The following SLC25A12 variants were observed in gnomAD, a reference collection of about 807,000 sequenced individuals.
SLC25A12 encodes solute carrier family 25 member 12, also known as electrogenic aspartate/glutamate antiporter SLC25A12, mitochondrial.
Under a neutral mutation model 83.3 loss-of-function variants are expected in SLC25A12, and 32 were observed. The ratio of observed to expected loss-of-function variants is 0.38; its 90% CI spans 0.29 to 0.52. The LOEUF (loss-of-function observed/expected upper bound fraction) is 0.52. SLC25A12 is among the 20% of genes least tolerant of loss of function. The pLI is 0.84. For missense variants in SLC25A12, 611 were observed against 835.6 expected (o/e 0.73, Z 3.31); for synonymous variants, 267 against 291.1 (o/e 0.92, Z 0.84).
intron 9 of SLC25A12, among the ~76,000 whole-genome samples, chr2:171,816,239 A>C (rs1684048731): frequency 6.6e-6 from 1 of 151,596 alleles, no homozygotes; most frequent in Non-Finnish European, 1.5e-5. Context: ...CTAATTTTTA[A>C]ATTTTTTGTA....
chr2:171,824,960 C>T lies in SLC25A12; in HGVS notation c.930+1838G>A, dbSNP rs540770470. 2.9e-4 allele frequency among the ~76,000 whole-genome samples: 44 copies of T among 151,954 alleles called. 1 individual carries two copies. Among genetic ancestry groups the T allele is most frequent in the African/African-American group, 9.4e-4 (39 of 41,444 alleles). ...CTAGGACTACAGGCACACGCCATCACGCCTGGCTAATTTTTTGCATTTTTT... is the reference window on the plus strand; with the variant it reads ...CTAGGACTACAGGCACACGCCATCATGCCTGGCTAATTTTTTGCATTTTTT... On this transcript the variant is annotated intron_variant, in intron 9 of 17. Coordinates refer to ENST00000422440, the MANE Select transcript of SLC25A12 (RefSeq NM_003705.5).
At chr2:171,791,760 G>T (rs1013289031) in intron 14 of SLC25A12, among the ~76,000 whole-genome samples, 171 bp from the exon 15 acceptor site, 20 of 152,104 alleles carry the variant, frequency 1.3e-4, no homozygotes, top group African/African-American at 4.3e-4. Flanking sequence ...GGGGGAGGCG[G>T]GAGATAAGTG....
At chr2:171,805,290 C>T (rs1306489590) in intron 13 of SLC25A12, among the ~76,000 whole-genome samples, 1 of 151,764 alleles carries the variant, frequency 6.6e-6, no homozygotes, top group Non-Finnish European at 1.5e-5. Flanking sequence ...TTTGTATTTT[C>T]AGTAGAGACG....
chr2:171,857,357 C>G (rs1685068709), intron 3 of SLC25A12, among the ~76,000 whole-genome samples: 1 of 151,332 alleles, frequency 6.6e-6, no homozygotes, highest in South Asian at 2.1e-4. Context: ...GGCGACAGAC[C>G]AGACTCTGTC....
intron 8 of SLC25A12, among the ~76,000 whole-genome samples, chr2:171,833,288 C>T (rs541058507): frequency 6.6e-6 from 1 of 152,222 alleles, no homozygotes; most frequent in South Asian, 2.1e-4. Flanking sequence ...ACTATTGGTC[C>T]CTCTGCCTCC....
intron 7 of SLC25A12, 182 bp from the exon 8 acceptor site, chr2:171,834,238 T>G (rs1452695766): frequency 3.6e-6 from 2 of 556,546 alleles, no homozygotes; most frequent in Non-Finnish European, 6.5e-6. Context: ...TGAAGGCTGG[T>G]AAAAGATAAA....
chr2:171,787,321 CTT>C (rs1184574820), intron 17 of SLC25A12, among the ~76,000 whole-genome samples: 1 of 152,152 alleles, frequency 6.6e-6, no homozygotes, highest in East Asian at 1.9e-4. Context: ...GATATCCTGT[CTT>C]TTTTAAAAAA....
At chr2:171,825,763 C>A (rs1037277181) in intron 9 of SLC25A12, among the ~76,000 whole-genome samples, 5 of 152,186 alleles carry the variant, frequency 3.3e-5, no homozygotes, top group African/African-American at 1.2e-4. Context: ...GCAATGTGAT[C>A]ATCTGCTACC....
chr2:171,838,777 G>C (rs745985093), intron 5 of SLC25A12, among the ~76,000 whole-genome samples: 21 of 152,268 alleles, frequency 1.4e-4, no homozygotes, highest in Admixed American at 2.6e-4. Context: ...AAAAATCATA[G>C]AGTATGTGCA....
At chr2:171,808,111 A>G (rs1486473268) in intron 13 of SLC25A12, among the ~76,000 whole-genome samples, 1 of 152,272 alleles carries the variant, frequency 6.6e-6, no homozygotes, top group Non-Finnish European at 1.5e-5. Context: ...AAAATGGACT[A>G]AACAAGTCTG....
chr2:171,819,876 C>A (rs896196280), intron 9 of SLC25A12, among the ~76,000 whole-genome samples: 1 of 152,094 alleles, frequency 6.6e-6, no homozygotes, highest in African/African-American at 2.4e-5. Context: ...AAAAGTAATT[C>A]TAATATGCAG....
intron 8 of SLC25A12, among the ~76,000 whole-genome samples, chr2:171,830,988 G>A (rs1055754103): frequency 6.6e-6 from 1 of 152,228 alleles, no homozygotes; most frequent in Non-Finnish European, 1.5e-5. Flanking sequence ...GAGGGGGCAG[G>A]AAACCTGTTG....
At chr2:171,882,612 C>A (rs1558944344) in intron 2 of SLC25A12, among the ~76,000 whole-genome samples, 1 of 152,202 alleles carries the variant, frequency 6.6e-6, no homozygotes, top group Non-Finnish European at 1.5e-5. Flanking sequence ...ACATTCTAAG[C>A]CTACGCATGT....
intron 3 of SLC25A12, among the ~76,000 whole-genome samples, chr2:171,858,765 A>C (rs1287705947): frequency 6.6e-6 from 1 of 152,216 alleles, no homozygotes; most frequent in Non-Finnish European, 1.5e-5. Context: ...GAAGACAAGC[A>C]GTCTTTCTCC....
chr2:171,819,000 T>C (rs1341575413), intron 9 of SLC25A12, among the ~76,000 whole-genome samples: 1 of 150,738 alleles, frequency 6.6e-6, no homozygotes, highest in Non-Finnish European at 1.5e-5. Context: ...ATGACTTCAA[T>C]AGTCTGGGAT....
chr2:171,807,348 A>G (rs1355209368), intron 13 of SLC25A12, among the ~76,000 whole-genome samples: 2 of 152,196 alleles, frequency 1.3e-5, no homozygotes, highest in Non-Finnish European at 2.9e-5. Context: ...CCTCAAGGCA[A>G]CCCAGACTTC....
In SLC25A12 at chr2:171,886,230, C is replaced by CTT. The variant is rs11428637; in HGVS notation, c.66+6973_66+6974dup. Among the ~76,000 whole-genome samples, 405 of 122,540 alleles carry CTT rather than the reference C, an allele frequency of 3.3e-3. 10 individuals carry two copies. The highest frequency in any genetic ancestry group is 0.031 in the East Asian group (121 of 3,928). The allele number at this position is 122,540 out of a possible 152,430, so 80.4% of individuals were successfully genotyped here. ...CTACCACTCCTCTTTAATATAATAG[C>CTT]TTTTTTTTTTTTTTTTTTGAGACAG... is the stretch of plus-strand genomic sequence containing the variant. On this transcript the variant is annotated intron_variant, in intron 2 of 17. Transcript: ENST00000422440.
At chr2:171,808,206 CTTACACTTTA>C (rs1260426326) in intron 13 of SLC25A12, among the ~76,000 whole-genome samples, 1 of 104,014 alleles carries the variant, frequency 9.6e-6, no homozygotes, top group African/African-American at 3.7e-5. Flanking sequence ...ATTGGTCATG[CTTACACTTTA>C]AAGACAGAAA....
intron 13 of SLC25A12, among the ~76,000 whole-genome samples, chr2:171,806,089 G>C (rs1432732038): frequency 1.3e-5 from 2 of 152,110 alleles, no homozygotes; most frequent in African/African-American, 4.8e-5. Context: ...CTCCAGCCTG[G>C]GCAACAGACT....
Sources: allele counts gnomAD v4.1 joint callset (sites outside exome capture counted in the v4.1 genomes callset), GRCh38; gene constraint gnomAD v4.1.1; transcripts MANE v1.5; gene names NCBI Gene and HGNC (gene_info 2026-07-23, HGNC 2026-07-21).